Variants in UNC13C observed in about 807,000 individuals in gnomAD.
UNC13C encodes the protein protein unc-13 homolog C.
Under a neutral mutation model 245.4 loss-of-function variants are expected in UNC13C, and 174 were observed. The ratio of observed to expected loss-of-function variants is 0.71; its 90% CI spans 0.63 to 0.80. The LOEUF (loss-of-function observed/expected upper bound fraction) is 0.80, where lower values mean the gene tolerates loss of function less well. UNC13C is among the 30% of genes least tolerant of loss of function. UNC13C has a pLI of 0.00. For synonymous variants in UNC13C, 992 were observed against 895.1 expected (o/e 1.11, Z -1.93); for missense variants, 2,829 against 2,602.9 (o/e 1.09, Z -1.89).
At chr15:54,552,598 TA>T (rs1244704037) in intron 28 of UNC13C, among the ~76,000 whole-genome samples, 1 of 83,232 alleles carries the variant, frequency 1.2e-5, no homozygotes, top group African/African-American at 5.6e-5. Flanking sequence ...GTACAATATA[TA>T]ATATATAATT....
intron 27 of UNC13C, among the ~76,000 whole-genome samples, chr15:54,547,774 A>C (rs1896550070): frequency 6.6e-6 from 1 of 152,126 alleles, no homozygotes; most frequent in Non-Finnish European, 1.5e-5. Context: ...TAGCCTACAT[A>C]TATATAGGTT....
chr15:54,490,737 G>A (rs1893662686), intron 19 of UNC13C, among the ~76,000 whole-genome samples: 1 of 151,330 alleles, frequency 6.6e-6, no homozygotes, highest in Admixed American at 6.6e-5. Flanking sequence ...AACATGAGTA[G>A]AGAGACAGGA....
chr15:54,461,413 C>T (rs1358827531), intron 19 of UNC13C, among the ~76,000 whole-genome samples: 1 of 152,046 alleles, frequency 6.6e-6, no homozygotes, highest in African/African-American at 2.4e-5. Flanking sequence ...GATATTTAAC[C>T]TGTATATCAT....
chr15:54,149,784 A>C (rs1451798394), intron 4 of UNC13C, among the ~76,000 whole-genome samples: 2 of 152,232 alleles, frequency 1.3e-5, no homozygotes, highest in Non-Finnish European at 2.9e-5. Context: ...GTTGATTGAG[A>C]ATATGCTAAA....
chr15:54,037,207 T>C (rs955837833), intron 2 of UNC13C, among the ~76,000 whole-genome samples: 2 of 152,212 alleles, frequency 1.3e-5, no homozygotes, highest in African/African-American at 2.4e-5. Context: ...ACCTTTCTAG[T>C]GTCTACATAA....
chr15:54,021,817 C>T (rs979226767), intron 2 of UNC13C, among the ~76,000 whole-genome samples: 1 of 152,164 alleles, frequency 6.6e-6, no homozygotes, highest in Admixed American at 6.5e-5. Flanking sequence ...CCTTTTCTAT[C>T]TTTGAATATG....
intron 17 of UNC13C, among the ~76,000 whole-genome samples, chr15:54,343,657 C>A (rs2038790857): frequency 6.6e-6 from 1 of 152,104 alleles, no homozygotes; most frequent in African/African-American, 2.4e-5. Context: ...CAAATATGAT[C>A]TTTGTCAAAG....
chr15:53,935,737 A>C, the UNC13C span, among the ~76,000 whole-genome samples: 1 of 152,156 alleles, frequency 6.6e-6, no homozygotes, highest in Non-Finnish European at 1.5e-5. Context: ...CCCCACCCTC[A>C]GCCAAGATAG....
chr15:54,379,161 T>C (rs1207767803), intron 17 of UNC13C, among the ~76,000 whole-genome samples: 3 of 152,102 alleles, frequency 2.0e-5, no homozygotes, highest in Non-Finnish European at 2.9e-5. Context: ...ATTATGTTAT[T>C]TGAGAAAACT....
In UNC13C at chr15:54,356,771, G is replaced by C. The variant is rs373380181; in HGVS notation, c.4713+18282G>C. Among the ~76,000 whole-genome samples, 30 of 152,218 alleles carry C rather than the reference G, an allele frequency of 2.0e-4. No homozygotes were observed. In the East Asian group the frequency reaches 5.0e-3, roughly 25 times the overall value. ...TTTTTTGTGGGATACCCAACATTCAGACCGTAGTCATTGTCTTAATAGTTT... is the reference window on the plus strand; with the variant it reads ...TTTTTTGTGGGATACCCAACATTCACACCGTAGTCATTGTCTTAATAGTTT... On this transcript the variant is annotated intron_variant, in intron 17 of 32. Transcript: ENST00000260323.
chr15:54,057,209 G>A (rs1290302936), intron 2 of UNC13C, among the ~76,000 whole-genome samples: 1 of 151,890 alleles, frequency 6.6e-6, no homozygotes, highest in East Asian at 1.9e-4. Flanking sequence ...CTGTATTCAG[G>A]AAACCCATCT....
the UNC13C span, chr15:53,972,875 T>A: frequency 1.3e-5 from 2 of 152,320 alleles, no homozygotes; most frequent in Non-Finnish European, 2.9e-5. Context: ...TTTAAGACAT[T>A]CATCCTTTCC....
At chr15:54,108,590 T>G (rs545978071) in intron 2 of UNC13C, among the ~76,000 whole-genome samples, 3 of 152,340 alleles carry the variant, frequency 2.0e-5, no homozygotes, top group African/African-American at 7.2e-5. Flanking sequence ...GAATTTCCAG[T>G]GTCAAATTAT....
the UNC13C span, among the ~76,000 whole-genome samples, chr15:53,970,788 C>T: frequency 6.6e-6 from 1 of 152,058 alleles, no homozygotes; most frequent in African/African-American, 2.4e-5. Flanking sequence ...ACATGTTGAC[C>T]TATATAATAA....
At chr15:54,364,482 C>T (rs2039315060) in intron 17 of UNC13C, among the ~76,000 whole-genome samples, 1 of 152,136 alleles carries the variant, frequency 6.6e-6, no homozygotes, top group South Asian at 2.1e-4. Flanking sequence ...ATGTAGGGAG[C>T]TACTGGGGTT....
At chr15:53,920,942 T>C in the UNC13C span, among the ~76,000 whole-genome samples, 1 of 151,554 alleles carries the variant, frequency 6.6e-6, no homozygotes, top group African/African-American at 2.4e-5. Flanking sequence ...GCATGTGCCA[T>C]GAAAGTTTAA....
chr15:54,186,011 T>C (rs1249239086), intron 4 of UNC13C, among the ~76,000 whole-genome samples: 1 of 151,556 alleles, frequency 6.6e-6, no homozygotes, highest in Non-Finnish European at 1.5e-5. Context: ...GATTCCTAGG[T>C]ATTTTATTCT....
chr15:54,198,727 A>T (rs557434099), intron 4 of UNC13C, among the ~76,000 whole-genome samples: 1 of 152,238 alleles, frequency 6.6e-6, no homozygotes, highest in African/African-American at 2.4e-5. Flanking sequence ...TGAATCCCAG[A>T]TCTTCCCTCT....
rs1316006267 is a variant in UNC13C, at chr15:54,075,520, C to T, written c.2983+59634C>T. On this transcript the variant is annotated intron_variant, in intron 2 of 32. Transcript: ENST00000260323. ...TGAGCCGAGATGGCGCCACTGCACT[C>T]CAGCCCGGGCGACAGAGCGAGACTC... Among the ~76,000 whole-genome samples the T allele has an allele frequency of 8.1e-4, 107 of 131,942 alleles. 5 individuals carry two copies. Among genetic ancestry groups the T allele is most frequent in the African/African-American group, 3.0e-3 (106 of 35,168 alleles). The allele number at this position is 131,942 out of a possible 152,430, so 86.6% of individuals were successfully genotyped here.
Sources: gnomAD v4.1 joint callset for allele counts (sites outside exome capture counted in the v4.1 genomes callset) on GRCh38, gnomAD v4.1.1 for gene constraint, MANE v1.5 for transcripts, NCBI Gene and HGNC (gene_info 2026-07-23, HGNC 2026-07-21) for gene names.